Variants in NUBPL observed in about 807,000 individuals in gnomAD.
NUBPL encodes the protein iron-sulfur cluster transfer protein NUBPL.
A neutral mutation model predicts 45.7 loss-of-function variants in NUBPL; 31 were observed. That is an observed-to-expected ratio of 0.68 (90% CI 0.51 to 0.92). The LOEUF (loss-of-function observed/expected upper bound fraction) is 0.92. NUBPL is among the 40% of genes least tolerant of loss of function. NUBPL has a pLI of 0.00. For synonymous variants in NUBPL, 144 were observed against 140.9 expected (o/e 1.02, Z -0.15); for missense variants, 401 against 398.7 (o/e 1.01, Z -0.05).
chr14:31,673,604 T>C, intron 6 of NUBPL, 30 bp downstream of exon 6: 1 of 1,568,490 alleles, frequency 6.4e-7, no homozygotes, highest in Non-Finnish European at 8.8e-7. Context: ...TATCATTTTA[T>C]CATTGGCAAA....
chr14:31,647,541 G>A (rs765222819), intron 4 of NUBPL, among the ~76,000 whole-genome samples: 1 of 152,180 alleles, frequency 6.6e-6, no homozygotes, highest in Non-Finnish European at 1.5e-5. Flanking sequence ...GGCTGGCTAG[G>A]GGTTTGTGCA....
intron 4 of NUBPL, among the ~76,000 whole-genome samples, chr14:31,643,918 A>G (rs562378234): frequency 2.0e-5 from 3 of 151,906 alleles, no homozygotes; most frequent in African/African-American, 7.2e-5. Context: ...AGGTTTTCCA[A>G]TTTGTTGGTG....
chr14:31,685,878 C>A (rs1393179725), intron 6 of NUBPL, among the ~76,000 whole-genome samples: 1 of 152,144 alleles, frequency 6.6e-6, no homozygotes, highest in Non-Finnish European at 1.5e-5. Context: ...AATTTATAGG[C>A]TTTCTATTCC....
chr14:31,578,024 T>C lies in NUBPL; in HGVS notation c.291+12976T>C. The C allele has an allele frequency of 4.8e-6, 6 of 1,258,242 alleles. No individual in the cohort carries two copies. The South Asian group carries it at 7.5e-5, about 16-fold the overall frequency. 77.9% of individuals were successfully genotyped at this position (1,258,242 alleles called of 1,614,324 possible). Reference sequence around the variant, plus strand: ...GGCCCGTTGTTATGAACTCAGTAAATGGTAAGTGATTGAAAACAGATTACA... The same window carrying C: ...GGCCCGTTGTTATGAACTCAGTAAACGGTAAGTGATTGAAAACAGATTACA... On this transcript the variant is annotated intron_variant, in intron 3 of 10. Transcript: ENST00000281081.
chr14:31,693,852 CTTTTCTTTTTTTT>C (rs1465094183), intron 6 of NUBPL, among the ~76,000 whole-genome samples: 1 of 66,572 alleles, frequency 1.5e-5, no homozygotes. Flanking sequence ...ATTTTCTTTT[CTTTTCTTTTTTTT>C]TTTTTTTTGA....
intron 6 of NUBPL, among the ~76,000 whole-genome samples, chr14:31,698,400 C>T (rs185849543): frequency 3.3e-5 from 5 of 150,702 alleles, no homozygotes; most frequent in African/African-American, 4.9e-5. Context: ...AAACTGATGG[C>T]GGCAGTTTTG....
At chr14:31,712,797 G>A (rs902684821) in intron 6 of NUBPL, among the ~76,000 whole-genome samples, 7 of 152,226 alleles carry the variant, frequency 4.6e-5, no homozygotes, top group Non-Finnish European at 7.3e-5. Flanking sequence ...CTTTAATCAC[G>A]TGCAGCAGCT....
chr14:31,720,655 C>A (rs927388046), intron 6 of NUBPL, among the ~76,000 whole-genome samples: 4 of 152,178 alleles, frequency 2.6e-5, no homozygotes, highest in African/African-American at 9.7e-5. Context: ...ATTACCTATC[C>A]TTTAAAGCTG....
chr14:31,653,562 T>C (rs997804925), intron 4 of NUBPL, among the ~76,000 whole-genome samples: 7 of 152,210 alleles, frequency 4.6e-5, no homozygotes, highest in African/African-American at 1.2e-4. Context: ...TCAGACCTTA[T>C]GGTTGTCTTT....
chr14:31,732,208 A>AAAAAAAAAAAT (rs2038066378), intron 6 of NUBPL, among the ~76,000 whole-genome samples: 1 of 150,920 alleles, frequency 6.6e-6, no homozygotes, highest in Admixed American at 6.6e-5. Flanking sequence ...AAAAAATGAA[A>AAAAAAAAAAAT]GAAAGAAAAG....
At chr14:31,642,116 T>C (rs1436311397) in intron 4 of NUBPL, among the ~76,000 whole-genome samples, 1 of 152,220 alleles carries the variant, frequency 6.6e-6, no homozygotes, top group Non-Finnish European at 1.5e-5. Context: ...AAATATTTTC[T>C]CTCATTCTGT....
At chr14:31,567,149 T>C (rs1168605503) in intron 3 of NUBPL, among the ~76,000 whole-genome samples, 1 of 152,212 alleles carries the variant, frequency 6.6e-6, no homozygotes, top group South Asian at 2.1e-4. Flanking sequence ...CTCTGAACTT[T>C]GAAAACAACA....
chr14:31,716,765 C>T (rs1376330272), intron 6 of NUBPL, among the ~76,000 whole-genome samples: 3 of 152,180 alleles, frequency 2.0e-5, no homozygotes, highest in African/African-American at 7.2e-5. Flanking sequence ...GAATTCATCA[C>T]TCATCTACCT....
At chr14:31,661,473 G>T (rs1431298000) in intron 4 of NUBPL, among the ~76,000 whole-genome samples, 1 of 152,210 alleles carries the variant, frequency 6.6e-6, no homozygotes, top group Non-Finnish European at 1.5e-5. Flanking sequence ...ATCATGAGTT[G>T]TTGTGTAGAG....
intron 7 of NUBPL, among the ~76,000 whole-genome samples, chr14:31,810,272 T>C (rs112328406): frequency 0.076 from 11,626 of 151,996 alleles, 496 homozygotes; most frequent in Non-Finnish European, 0.092. Context: ...TTAGGTCTCT[T>C]GGGGCTTGCT....
intron 6 of NUBPL, among the ~76,000 whole-genome samples, chr14:31,709,946 G>A (rs373573263): frequency 6.6e-6 from 1 of 152,160 alleles, no homozygotes; most frequent in Non-Finnish European, 1.5e-5. Context: ...TAAATGGCAA[G>A]CTTTGCATAG....
chr14:31,617,697 T>C (rs767761598), intron 4 of NUBPL, among the ~76,000 whole-genome samples: 4 of 152,192 alleles, frequency 2.6e-5, no homozygotes, highest in Admixed American at 6.5e-5. Context: ...ACTGAGGAAT[T>C]TCACATCGAT....
chr14:31,590,497 G>C (rs182367561), intron 3 of NUBPL, among the ~76,000 whole-genome samples: 14 of 152,254 alleles, frequency 9.2e-5, no homozygotes, highest in African/African-American at 3.1e-4. Context: ...AGTCTGAAGG[G>C]TGGATCAAGT....
intron 3 of NUBPL, among the ~76,000 whole-genome samples, chr14:31,573,588 T>C (rs2033644955): frequency 6.6e-6 from 1 of 152,208 alleles, no homozygotes; most frequent in Non-Finnish European, 1.5e-5. Flanking sequence ...GAAAGAATCA[T>C]ACAGTTACTT....
Sources: gnomAD v4.1 joint callset for allele counts (sites outside exome capture counted in the v4.1 genomes callset) on GRCh38, gnomAD v4.1.1 for gene constraint, MANE v1.5 for transcripts, NCBI Gene and HGNC (gene_info 2026-07-23, HGNC 2026-07-21) for gene names.